Variants in DOK6 observed in about 807,000 individuals in gnomAD.
DOK6 encodes downstream of tyrosine kinase 6.
DOK6 carries 22 observed loss-of-function variants against 44.0 expected under a neutral mutation model. The ratio of observed to expected loss-of-function variants is 0.50; its 90% CI spans 0.36 to 0.71. The LOEUF (loss-of-function observed/expected upper bound fraction) is 0.71, where lower values mean the gene tolerates loss of function less well. Among genes scored for constraint, DOK6 ranks in the 30% least tolerant of loss-of-function variants. DOK6 has a pLI of 0.00. For missense variants in DOK6, 340 were observed against 416.4 expected (o/e 0.82, Z 1.60); for synonymous variants, 166 against 145.5 (o/e 1.14, Z -1.01).
At chr18:69,754,679 C>T (rs973735150) in intron 6 of DOK6, among the ~76,000 whole-genome samples, 1 of 152,182 alleles carries the variant, frequency 6.6e-6, no homozygotes, top group African/African-American at 2.4e-5. Flanking sequence ...TAGATGGGCA[C>T]TTCCTTGCTG....
intron 7 of DOK6, among the ~76,000 whole-genome samples, chr18:69,775,121 G>T (rs183706315): frequency 1.1e-4 from 16 of 151,778 alleles, no homozygotes; most frequent in Admixed American, 9.9e-4. Context: ...ATAAAAGCCA[G>T]AAAATAATGA....
At chr18:69,706,578 G>T (rs978810065) in intron 5 of DOK6, among the ~76,000 whole-genome samples, 4 of 151,426 alleles carry the variant, frequency 2.6e-5, no homozygotes, top group Non-Finnish European at 5.9e-5. Context: ...ACAATGTGCA[G>T]GTTAGTTACA....
intron 1 of DOK6, among the ~76,000 whole-genome samples, chr18:69,521,877 C>T (rs1262891121): frequency 6.6e-6 from 1 of 151,736 alleles, no homozygotes; most frequent in Non-Finnish European, 1.5e-5. Flanking sequence ...GTGCATGAAA[C>T]GTCATATTGT....
chr18:69,487,819 G>A (rs1024855403), intron 1 of DOK6, among the ~76,000 whole-genome samples: 7 of 152,062 alleles, frequency 4.6e-5, no homozygotes, highest in African/African-American at 1.4e-4. Context: ...TCTTGCTTTC[G>A]CTTTTGACCT....
At chr18:69,565,474 CGTGTGTGTGTGTGTGTGTGT>C (rs869115556) in intron 2 of DOK6, among the ~76,000 whole-genome samples, 19 of 87,604 alleles carry the variant, frequency 2.2e-4, no homozygotes, top group Middle Eastern at 4.8e-3. Flanking sequence ...TCTGTCTCTA[CGTGTGTGTGTGTGTGTGTGT>C]GTGTGTGTGT....
chr18:69,507,217 G>T (rs367857426), intron 1 of DOK6, among the ~76,000 whole-genome samples: 5 of 151,784 alleles, frequency 3.3e-5, no homozygotes, highest in African/African-American at 1.2e-4. Context: ...TCAGTAGAGA[G>T]GGGGTTTCAC....
At chr18:69,793,914 G>A (rs1219374419) in intron 7 of DOK6, among the ~76,000 whole-genome samples, 3 of 151,978 alleles carry the variant, frequency 2.0e-5, no homozygotes, top group Non-Finnish European at 4.4e-5. Context: ...CACACTCAAC[G>A]AAACTGAGGA....
intron 1 of DOK6, among the ~76,000 whole-genome samples, chr18:69,484,010 A>G (rs1246687497): frequency 6.6e-6 from 1 of 152,026 alleles, no homozygotes; most frequent in African/African-American, 2.4e-5. Flanking sequence ...TTTAACAATG[A>G]ATCCTAATGT....
intron 6 of DOK6, among the ~76,000 whole-genome samples, chr18:69,748,018 A>C (rs1744872350): frequency 6.6e-6 from 1 of 152,234 alleles, no homozygotes; most frequent in African/African-American, 2.4e-5. Flanking sequence ...ATGCAAAGAC[A>C]CACATAGACT....
intron 2 of DOK6, among the ~76,000 whole-genome samples, chr18:69,588,963 T>C (rs1836655190): frequency 6.6e-6 from 1 of 152,264 alleles, no homozygotes; most frequent in South Asian, 2.1e-4. Flanking sequence ...AGCACATGTC[T>C]GTCACAGGTA....
At chr18:69,725,995 G>A (rs907236858) in intron 5 of DOK6, among the ~76,000 whole-genome samples, 1 of 152,112 alleles carries the variant, frequency 6.6e-6, no homozygotes, top group Admixed American at 6.5e-5. Flanking sequence ...CCTGTGTCTT[G>A]TAGATGAAGT....
At chr18:69,600,306 T>G (rs1232521785) in intron 3 of DOK6, among the ~76,000 whole-genome samples, 1 of 152,226 alleles carries the variant, frequency 6.6e-6, no homozygotes, top group East Asian at 1.9e-4. Context: ...ATTCTAAAAC[T>G]GATAATATCC....
chr18:69,625,588 C>A (rs914583498), intron 3 of DOK6, among the ~76,000 whole-genome samples: 1 of 152,130 alleles, frequency 6.6e-6, no homozygotes, highest in African/African-American at 2.4e-5. Flanking sequence ...TGTGTAAGTT[C>A]AAATCAAGAA....
At chr18:69,624,014 G>A (rs796973091) in intron 3 of DOK6, among the ~76,000 whole-genome samples, 1 of 152,138 alleles carries the variant, frequency 6.6e-6, no homozygotes. Flanking sequence ...AATGGTAACT[G>A]CCAGTATTAT....
chr18:69,676,066 G>GACTCC (rs1230689284), intron 3 of DOK6, among the ~76,000 whole-genome samples: 1 of 152,188 alleles, frequency 6.6e-6, no homozygotes, highest in Non-Finnish European at 1.5e-5. Context: ...CCAGGCCTCT[G>GACTCC]ACTCCACTCA....
intron 5 of DOK6, among the ~76,000 whole-genome samples, chr18:69,702,140 T>TG (rs1281686538): frequency 2.7e-5 from 4 of 150,414 alleles, no homozygotes; most frequent in Admixed American, 2.0e-4. Flanking sequence ...GTTGGTTTTT[T>TG]TTTTTTTTTT....
At chr18:69,479,953 AG>A (rs35197031) in intron 1 of DOK6, among the ~76,000 whole-genome samples, 1 of 152,170 alleles carries the variant, frequency 6.6e-6, no homozygotes, top group Non-Finnish European at 1.5e-5. Context: ...ACAAATCAAG[AG>A]GGAAAAAGTC....
At chr18:69,639,556 A>G (rs1341535716) in intron 3 of DOK6, among the ~76,000 whole-genome samples, 3 of 152,106 alleles carry the variant, frequency 2.0e-5, no homozygotes, top group Non-Finnish European at 4.4e-5. Context: ...CAGCCTTTTC[A>G]TGGTTCTTTT....
intron 1 of DOK6, among the ~76,000 whole-genome samples, chr18:69,429,875 A>ATTTAATACAATAAACT (rs1978756196): frequency 1.3e-5 from 2 of 151,902 alleles, no homozygotes; most frequent in African/African-American, 4.8e-5. Flanking sequence ...CCAAAGATAA[A>ATTTAATACAATAAACT]TTGGTTAAAC....
Sources: gnomAD v4.1 joint callset for allele counts (sites outside exome capture counted in the v4.1 genomes callset) on GRCh38, gnomAD v4.1.1 for gene constraint, MANE v1.5 for transcripts, NCBI Gene and HGNC (gene_info 2026-07-23, HGNC 2026-07-21) for gene names.